ADAM33: variants seen among roughly 807,000 people sequenced by gnomAD.
The protein encoded by ADAM33 is disintegrin and metalloproteinase domain-containing protein 33.
ADAM33 carries 103 observed loss-of-function variants against 106.2 expected under a neutral mutation model. The ratio of observed to expected loss-of-function variants is 0.97; its 90% CI spans 0.83 to 1.14. The LOEUF is 1.14. Among genes scored for constraint, ADAM33 ranks in the 50% most tolerant of loss-of-function variants. The pLI is 0.00. For missense variants in ADAM33, 1,120 were observed against 1,096.6 expected, an observed-to-expected ratio of 1.02 and a Z score of -0.30; for synonymous variants, 483 against 453.0, an observed-to-expected ratio of 1.07 and a Z score of -0.84.
In ADAM33 at chr20:3,671,664, C is replaced by T. The variant is rs1268724937; in HGVS notation, c.1822G>A (p.Gly608Arg). 6.3e-7 allele frequency: 1 copy of T among 1,580,944 alleles called. No homozygotes were observed. Among genetic ancestry groups the T allele is most frequent in the South Asian group, 1.1e-5 (1 of 87,374 alleles). ...HLDGQEVTCR[G>R]ALALPSAQLD... The stretch of plus-strand genomic sequence containing the variant: ...TGGGCACTGGGGAGTGCCAAGGCTC[C>T]CCGACAAGTCACTTCCTGGCCATCT... Residue 608 changes from glycine (G) to arginine (R), a missense_variant, in exon 16 of 22, where the codon GGA becomes AGA. Transcript: ENST00000356518.
intron 10 of ADAM33, 38 bp downstream of exon 10, chr20:3,673,536 C>G (rs2087708938): frequency 7.0e-7 from 1 of 1,438,774 alleles, no homozygotes. Flanking sequence ...GGCCGTAGAG[C>G]CTCCTGTCTC....
rs1182876051 is a variant in ADAM33 at position 3,671,573 on chromosome 20, G to GAGCTCACC, written c.1905_1905+7dup. On this transcript the variant is annotated splice_region_variant and intron_variant, in intron 16 of 21. Transcript: ENST00000356518. ...ACGGCAAGGAGGGGTCGGGTGGGCA[G>GAGCTCACC]AGCTCACCATTCTAGGTCCACACTG... The GAGCTCACC allele has an allele frequency of 1.2e-6, 2 of 1,602,410 alleles. No homozygotes were observed. The highest frequency in any genetic ancestry group is 1.7e-6 in the Non-Finnish European group (2 of 1,174,552).
chr20:3,677,689 C>G (rs534269745), intron 2 of ADAM33, among the ~76,000 whole-genome samples: 2 of 152,176 alleles, frequency 1.3e-5, no homozygotes, highest in African/African-American at 4.8e-5. Context: ...CAGCAGCCCC[C>G]GTCCCTCCGG....
In ADAM33 at chr20:3,671,100, GGAGCA is replaced by G. The variant is rs1200651089; in HGVS notation, c.2141_2145del (p.Leu714ProfsTer65). 1 of 1,599,318 alleles carries G rather than the reference GGAGCA, an allele frequency of 6.3e-7. No individual in the cohort carries two copies. The highest frequency in any genetic ancestry group is 1.7e-5 in the Admixed American group (1 of 57,430). Reference sequence around the variant, plus strand: ...CAACACCAGGCCAGGCCGGCCCCTGGGAGCAGAGGCAGCAGGACGCTGAGGAGCAT... The same window carrying G: ...CAACACCAGGCCAGGCCGGCCCCTGGGAGGCAGCAGGACGCTGAGGAGCAT... On this transcript the variant is annotated frameshift_variant, in exon 19 of 22. Coordinates refer to ENST00000356518, the MANE Select transcript of ADAM33 (RefSeq NM_025220.5). LOFTEE classifies it high-confidence loss of function.
intron 3 of ADAM33, among the ~76,000 whole-genome samples, chr20:3,676,559 C>T (rs753661493): frequency 7.2e-5 from 11 of 152,012 alleles, no homozygotes; most frequent in Non-Finnish European, 1.6e-4. Context: ...CCGTCTCAGC[C>T]CCCTAAGTAG....
Position 3,674,561 on chromosome 20 carries a change from G to A in ADAM33, c.543C>T (p.His181=). The change falls in exon 6 of 22, where the codon CAC becomes CAT. Residue 181 remains histidine, a synonymous_variant. Coordinates refer to ENST00000356518, the MANE Select transcript of ADAM33 (RefSeq NM_025220.5). The stretch of plus-strand genomic sequence containing the variant: ...TGCCCGCTTTGTTCCCAGGATCCCT[G>A]TGGCCACAGGTTCCTTTCCAGGTGA... The part of the protein sequence containing the change: ...QLLTWKGTCG[H]RDPGNKAGMT... The A allele has an allele frequency of 6.2e-7, 1 of 1,613,566 alleles. No homozygotes were observed. Among genetic ancestry groups the A allele is most frequent in the Non-Finnish European group, 8.5e-7 (1 of 1,179,900 alleles).
intron 1 of ADAM33, among the ~76,000 whole-genome samples, chr20:3,680,396 C>A (rs1023038739): frequency 6.6e-6 from 1 of 152,220 alleles, no homozygotes. Context: ...CCACGCAGCC[C>A]TGGCCTCAGT....
intron 2 of ADAM33, 151 bp downstream of exon 2, chr20:3,679,341 C>A: frequency 1.4e-6 from 1 of 728,012 alleles, no homozygotes; most frequent in East Asian, 2.8e-5. Flanking sequence ...TTCTTCTGCC[C>A]ACTTGAGGGG....
chr20:3,673,132 AG>A, intron 11 of ADAM33: 1 of 1,476,016 alleles, frequency 6.8e-7, no homozygotes, highest in Non-Finnish European at 9.0e-7. Context: ...CCGGTGTAGG[AG>A]TAACCTCGCC....
In ADAM33 at chr20:3,678,930, G is replaced by A. The variant is rs1000021117; in HGVS notation, c.177+562C>T. On this transcript the variant is annotated intron_variant, in intron 2 of 21. Transcript: ENST00000356518. ...GATTGGGAAGAGGCTGGGGCAGAGCGTCCTGCAGAAGAAGCACATGGGGTG... is the reference window on the plus strand; with the variant it reads ...GATTGGGAAGAGGCTGGGGCAGAGCATCCTGCAGAAGAAGCACATGGGGTG... Among the ~76,000 whole-genome samples the A allele has an allele frequency of 5.3e-5, 8 of 152,140 alleles. No homozygotes were observed. The South Asian group carries it at 6.2e-4, about 12-fold the overall frequency.
chr20:3,669,156 G>C (rs678881), intron 21 of ADAM33, 143 bp downstream of exon 21: 272,212 of 1,186,952 alleles, frequency 0.23, 32,550 homozygotes, highest in Non-Finnish European at 0.25. Flanking sequence ...ATCCTGGTCT[G>C]CATGATAACC....
rs1441826320 is a variant in ADAM33 at position 3,669,981 on chromosome 20, C to T, written c.2241-344G>A. 1.3e-5 allele frequency: 6 copies of T among 468,568 alleles called. No individual in the cohort carries two copies. The East Asian group carries it at 1.7e-4, about 13-fold the overall frequency. The allele number at this position is 468,568 out of a possible 1,614,324, so 29.0% of individuals were successfully genotyped here. A position where few individuals can be genotyped will look rare whatever the true frequency, so the allele number is the denominator to read the frequency against. ...CCCCTTCGGCAGCTATGTCTGCTCTCCTTGCCCCTGGGTGCCCTGCTGCCC... is the reference window on the plus strand; with the variant it reads ...CCCCTTCGGCAGCTATGTCTGCTCTTCTTGCCCCTGGGTGCCCTGCTGCCC... On this transcript the variant is annotated intron_variant, in intron 19 of 21. Coordinates refer to ENST00000356518, the MANE Select transcript of ADAM33 (RefSeq NM_025220.5).
At chr20:3,679,422 A>G (rs1211887029) in intron 2 of ADAM33, 70 bp downstream of exon 2, 23 of 1,483,460 alleles carry the variant, frequency 1.6e-5, no homozygotes, top group Non-Finnish European at 2.0e-5. Context: ...TAGAAGCTGT[A>G]ATGTAGGGAG....
rs530760730 is a variant in ADAM33 at position 3,671,950 on chromosome 20, C to T, written c.1633G>A (p.Val545Met). 1.9e-6 allele frequency: 3 copies of T among 1,556,378 alleles called. No homozygotes were observed. Among genetic ancestry groups the T allele is most frequent in the Admixed American group, 3.9e-5 (2 of 51,336 alleles). Residue 545 changes from valine to methionine, a missense_variant, in exon 15 of 22, where the codon GTG becomes ATG. Coordinates refer to ENST00000356518, the MANE Select transcript of ADAM33 (RefSeq NM_025220.5). ...HPAPEACFQV[V>M]NSAGDAHGNC... is the part of the protein sequence containing the mutation. ...CCATGAGCATCTCCCGCAGAGTTCA[C>T]CACCTGGAAACAGGCCTCGGGAGCT...
chr20:3,673,850 TC>T lies in ADAM33; in HGVS notation c.799del (p.Asp267ThrfsTer62). On this transcript the variant is annotated frameshift_variant, in exon 9 of 22. Transcript: ENST00000356518. LOFTEE classifies it high-confidence loss of function. ...LTGLEVWTERDRSRVTQDANA... is the reference protein window; with the variant it reads ...LTGLEVWTERXRSRVTQDANA... ...GGCGTCCTGCGTGACGCGGCTGCGG[TC>T]CCGCTCGGTCCACACCTCCAGGCCG... is the stretch of plus-strand genomic sequence containing the variant. 6.4e-7 allele frequency: 1 copy of T among 1,566,888 alleles called. No homozygotes were observed. The highest frequency in any genetic ancestry group is 2.3e-5 in the East Asian group (1 of 43,910).
Position 3,671,223 on chromosome 20 carries a change from C to G in ADAM33, c.2092+14G>C, listed in dbSNP as rs1424471809. 2.5e-6 allele frequency: 4 copies of G among 1,613,350 alleles called. No individual in the cohort carries two copies. Among genetic ancestry groups the G allele is most frequent in the Non-Finnish European group, 3.4e-6 (4 of 1,179,520 alleles). ...CCACCCCAGCTCCTGCCCACATGCC[C>G]CCCACTGGCATACTTTCAGCCTGCA... On this transcript the variant is annotated intron_variant, in intron 18 of 21. Transcript: ENST00000356518.
intron 21 of ADAM33, 32 bp from the exon 22 acceptor site, chr20:3,669,032 G>T (rs543749): frequency 0.14 from 224,676 of 1,605,364 alleles, 17,633 homozygotes; most frequent in African/African-American, 0.3. Context: ...TGTCCCCTAA[G>T]GACTGGGGCC....
chr20:3,676,199 G>A (rs775663164), intron 3 of ADAM33, among the ~76,000 whole-genome samples: 8 of 149,576 alleles, frequency 5.3e-5, no homozygotes, highest in Non-Finnish European at 7.4e-5. Context: ...ACCTTCCTGA[G>A]CACAGGTCTG....
Position 3,681,599 on chromosome 20 carries a change from AC to A in ADAM33, c.97+308del, listed in dbSNP as rs527380414. On this transcript the variant is annotated intron_variant, in intron 1 of 21. Coordinates refer to ENST00000356518, the MANE Select transcript of ADAM33 (RefSeq NM_025220.5). ...AGCGAGAATCCAGGAAGAGGGGGCTACGGCTATGGGCTGGGGGCTGGGCTGC... is the reference window on the plus strand; with the variant it reads ...AGCGAGAATCCAGGAAGAGGGGGCTAGGCTATGGGCTGGGGGCTGGGCTGC... Among the ~76,000 whole-genome samples, 35 of 120,834 alleles carry A rather than the reference AC, an allele frequency of 2.9e-4. No individual in the cohort carries two copies. The South Asian group carries it at 0.011, about 37-fold the overall frequency. 79.3% of individuals were successfully genotyped at this position (120,834 alleles called of 152,430 possible).
Sources: gnomAD v4.1 joint callset for allele counts (sites outside exome capture counted in the v4.1 genomes callset) on GRCh38, gnomAD v4.1.1 for gene constraint, MANE v1.5 for transcripts, NCBI Gene and HGNC (gene_info 2026-07-23, HGNC 2026-07-21) for gene names.